DYM: variants seen among roughly 807,000 people sequenced by gnomAD.
DYM encodes the protein dyggve-Melchior-Clausen syndrome protein.
DYM carries 78 observed loss-of-function variants against 93.1 expected under a neutral mutation model. That is an observed-to-expected ratio of 0.84 (90% confidence interval 0.70 to 1.01). DYM has a LOEUF of 1.01. Among genes scored for constraint, DYM ranks in the 50% least tolerant of loss-of-function variants. DYM has a pLI of 0.00. For missense variants in DYM, 789 were observed against 845.0 expected (o/e 0.93, Z 0.82); for synonymous variants, 321 against 319.7 (o/e 1.00, Z -0.04).
At chr18:49,143,429 G>T (rs576249524) in intron 15 of DYM, among the ~76,000 whole-genome samples, 2 of 152,186 alleles carry the variant, frequency 1.3e-5, no homozygotes, top group African/African-American at 2.4e-5. Flanking sequence ...AGTAATTAAG[G>T]TCACTAATAT....
intron 10 of DYM, among the ~76,000 whole-genome samples, chr18:49,277,212 T>C (rs1166261349): frequency 6.6e-6 from 1 of 152,044 alleles, no homozygotes; most frequent in Non-Finnish European, 1.5e-5. Flanking sequence ...GGACTGCAAA[T>C]ACAGAACTGA....
At chr18:49,367,054 C>A (rs111614954) in intron 5 of DYM, among the ~76,000 whole-genome samples, 1 of 152,112 alleles carries the variant, frequency 6.6e-6, no homozygotes, top group Non-Finnish European at 1.5e-5. Context: ...TTTTACTGAA[C>A]ACTGTAAACA....
intron 17 of DYM, among the ~76,000 whole-genome samples, chr18:49,075,846 A>G (rs2077258097): frequency 1.3e-5 from 2 of 152,206 alleles, no homozygotes. Context: ...TTGAAGACAC[A>G]CTTACTATTT....
intron 14 of DYM, among the ~76,000 whole-genome samples, chr18:49,184,011 C>A (rs1235579672): frequency 6.6e-6 from 1 of 152,182 alleles, no homozygotes; most frequent in African/African-American, 2.4e-5. Flanking sequence ...ACCCTACTGG[C>A]ACTTTGATCT....
intron 16 of DYM, among the ~76,000 whole-genome samples, chr18:49,106,306 T>C (rs1096920): frequency 0.94 from 142,921 of 152,226 alleles, 67,157 homozygotes; most frequent in East Asian, 1. Context: ...TGTCTCTGCA[T>C]GTGAGATGGG....
At chr18:49,143,981 T>C (rs980640219) in intron 15 of DYM, among the ~76,000 whole-genome samples, 11 of 152,258 alleles carry the variant, frequency 7.2e-5, no homozygotes, top group African/African-American at 2.6e-4. Context: ...ATATACACAA[T>C]GCAATTTTCA....
At chr18:49,221,716 T>TG (rs2093365624) in intron 13 of DYM, among the ~76,000 whole-genome samples, 1 of 151,534 alleles carries the variant, frequency 6.6e-6, no homozygotes, top group African/African-American at 2.4e-5. Context: ...TGAGAACACA[T>TG]GGACACAGGA....
intron 6 of DYM, among the ~76,000 whole-genome samples, chr18:49,360,351 G>A (rs9958733): frequency 0.025 from 3,853 of 151,960 alleles, 155 homozygotes; most frequent in African/African-American, 0.087. Context: ...AGGGCTGAGC[G>A]TGGTGGCTCA....
intron 17 of DYM, among the ~76,000 whole-genome samples, chr18:49,078,656 G>T (rs1393971586): frequency 6.6e-6 from 1 of 152,070 alleles, no homozygotes; most frequent in Non-Finnish European, 1.5e-5. Flanking sequence ...TTTCCCATGT[G>T]AGGTGCTTGC....
intron 8 of DYM, among the ~76,000 whole-genome samples, chr18:49,331,558 T>C (rs550599511): frequency 2.6e-5 from 4 of 152,346 alleles, no homozygotes; most frequent in African/African-American, 9.6e-5. Context: ...TGTTATAAGT[T>C]TTCAAATGCT....
intron 13 of DYM, among the ~76,000 whole-genome samples, chr18:49,232,085 T>C (rs1444406252): frequency 6.6e-6 from 1 of 152,218 alleles, no homozygotes; most frequent in African/African-American, 2.4e-5. Context: ...GTGATTTTCA[T>C]GTTCCCCTGC....
chr18:49,131,871 C>T, intron 15 of DYM, among the ~76,000 whole-genome samples: 1 of 152,026 alleles, frequency 6.6e-6, no homozygotes. Flanking sequence ...AAAGGACATA[C>T]CAGAATGTGA....
At chr18:49,111,009 T>G (rs1293011896) in intron 16 of DYM, among the ~76,000 whole-genome samples, 1 of 152,178 alleles carries the variant, frequency 6.6e-6, no homozygotes, top group East Asian at 1.9e-4. Flanking sequence ...CTGTCACATG[T>G]TTTTTACTTC....
intron 2 of DYM, among the ~76,000 whole-genome samples, chr18:49,409,458 T>C (rs542742022): frequency 2.0e-5 from 3 of 152,240 alleles, no homozygotes; most frequent in African/African-American, 7.2e-5. Context: ...GAAACAACCA[T>C]GGCCTTGATG....
At chr18:49,234,418 C>T (rs1057113233) in intron 13 of DYM, among the ~76,000 whole-genome samples, 3 of 152,060 alleles carry the variant, frequency 2.0e-5, no homozygotes, top group South Asian at 2.1e-4. Context: ...GATTGTGCCA[C>T]CACACTCCAG....
At chr18:49,239,746 C>G (rs1442330675) in intron 13 of DYM, among the ~76,000 whole-genome samples, 23 of 152,230 alleles carry the variant, frequency 1.5e-4, no homozygotes, top group Admixed American at 1.5e-3. Context: ...CCCAGCCCAG[C>G]TGCTCTACGA....
chr18:49,455,818 G>T (rs141274703), intron 1 of DYM, among the ~76,000 whole-genome samples: 1 of 151,858 alleles, frequency 6.6e-6, no homozygotes, highest in African/African-American at 2.4e-5. Context: ...GCATGGTGGC[G>T]CATGCCTGTA....
intron 16 of DYM, among the ~76,000 whole-genome samples, chr18:49,107,567 T>C (rs1199253286): frequency 6.6e-6 from 1 of 152,202 alleles, no homozygotes; most frequent in Non-Finnish European, 1.5e-5. Context: ...ATGATGGTCA[T>C]GTACAGATGG....
In DYM at chr18:49,040,828, C is replaced by G. The variant is rs1175283435; in HGVS notation, c.*3227G>C. 6.6e-6 allele frequency among the ~76,000 whole-genome samples: 1 copy of G among 152,152 alleles called. No individual in the cohort carries two copies. Among genetic ancestry groups the G allele is most frequent in the African/African-American group, 2.4e-5 (1 of 41,430 alleles). ...CCACCCAATGCAAAACCCTGGCTCC[C>G]GGAATCTAAAGGACGAAATGTTGCT... is the stretch of plus-strand genomic sequence containing the variant. On this transcript the variant is annotated 3_prime_UTR_variant, in exon 18 of 18. Coordinates refer to ENST00000675505, the MANE Select transcript of DYM (RefSeq NM_001353214.3).
Sources: allele counts gnomAD v4.1 joint callset (sites outside exome capture counted in the v4.1 genomes callset), GRCh38; gene constraint gnomAD v4.1.1; transcripts MANE v1.5; gene names NCBI Gene and HGNC (gene_info 2026-07-23, HGNC 2026-07-21).